The following DCC variants were observed in gnomAD, a reference collection of about 807,000 sequenced individuals.
The protein encoded by DCC is DCC netrin 1 receptor, also known as netrin receptor DCC.
A neutral mutation model predicts 172.5 loss-of-function variants in DCC; 58 were observed. The observed-to-expected ratio is 0.34, with a 90% CI of 0.27 to 0.42. DCC has a LOEUF of 0.42. DCC is among the 10% of genes least tolerant of loss of function. DCC has a pLI of 1.00. For missense variants in DCC, 1,740 were observed against 1,791.0 expected, an observed-to-expected ratio of 0.97 and a Z score of 0.51; for synonymous variants, 709 against 644.5, an observed-to-expected ratio of 1.10 and a Z score of -1.52.
chr18:52,929,515 G>T (rs532975518), intron 5 of DCC, among the ~76,000 whole-genome samples: 1 of 152,226 alleles, frequency 6.6e-6, no homozygotes, highest in South Asian at 2.1e-4. Context: ...TGACAGGGGA[G>T]CAGGGAAGAA....
intron 5 of DCC, among the ~76,000 whole-genome samples, chr18:53,014,191 A>G (rs932254948): frequency 1.3e-5 from 2 of 152,224 alleles, no homozygotes; most frequent in African/African-American, 4.8e-5. Context: ...ATTGTAAGTA[A>G]TTAGATGAAT....
At position 53,365,325 on chromosome 18, in the gene DCC, G is replaced by A. The variant is rs554119155; in HGVS notation, c.2360-20718G>A. On this transcript the variant is annotated intron_variant, in intron 15 of 28. Coordinates refer to ENST00000442544, the MANE Select transcript of DCC (RefSeq NM_005215.4). The stretch of plus-strand genomic sequence containing the variant: ...CATTTTCTTAATCCAGTCTATCATT[G>A]TCGGACATTTGGGTTGGTTCCAAGT... Among the ~76,000 whole-genome samples the A allele has an allele frequency of 2.6e-3, 400 of 151,566 alleles. 1 individual carries two copies. Among genetic ancestry groups the A allele is most frequent in the African/African-American group, 9.1e-3 (375 of 41,280 alleles).
At chr18:52,635,553 A>C (rs779034492) in intron 1 of DCC, among the ~76,000 whole-genome samples, 1 of 152,196 alleles carries the variant, frequency 6.6e-6, no homozygotes, top group Non-Finnish European at 1.5e-5. Context: ...GCAGAGACTT[A>C]ATACATTTAT....
chr18:53,200,438 G>A (rs764930122), intron 9 of DCC, among the ~76,000 whole-genome samples: 27 of 152,132 alleles, frequency 1.8e-4, no homozygotes, highest in Non-Finnish European at 3.7e-4. Context: ...TCACTCATTT[G>A]GCTGACATTT....
In DCC at chr18:52,432,598, TTATC is replaced by T. The variant is rs199863049; in HGVS notation, c.91+91722_91+91725del. 5.5e-3 allele frequency among the ~76,000 whole-genome samples: 836 copies of T among 152,278 alleles called. 7 individuals carry two copies. The highest frequency in any genetic ancestry group is 0.019 in the African/African-American group (785 of 41,546). On this transcript the variant is annotated intron_variant, in intron 1 of 28. Transcript: ENST00000442544. ...CATTTATGAGGTCTTAGGCAGCTCT[TTATC>T]TCTCTCCTTTGCTTCATGTTGCATT...
intron 8 of DCC, among the ~76,000 whole-genome samples, chr18:53,166,317 G>C (rs1301792679): frequency 6.6e-6 from 1 of 152,004 alleles, no homozygotes; most frequent in Non-Finnish European, 1.5e-5. Context: ...ATACCTTTAC[G>C]ACCTTCAAAT....
At chr18:52,809,040 C>A (rs1454285600) in intron 2 of DCC, among the ~76,000 whole-genome samples, 1 of 152,098 alleles carries the variant, frequency 6.6e-6, no homozygotes, top group Non-Finnish European at 1.5e-5. Context: ...ATGCCATATG[C>A]CAAACAGTCA....
intron 5 of DCC, among the ~76,000 whole-genome samples, chr18:53,012,011 CAG>C (rs2041737650): frequency 6.6e-6 from 1 of 151,730 alleles, no homozygotes; most frequent in African/African-American, 2.4e-5. Context: ...AGGCACCCAC[CAG>C]ATTATTTAAA....
chr18:53,528,897 G>A (rs958367964), intron 28 of DCC, among the ~76,000 whole-genome samples: 12 of 152,002 alleles, frequency 7.9e-5, no homozygotes, highest in Non-Finnish European at 1.6e-4. Flanking sequence ...CATGTGGCTA[G>A]TGGTTGCCGT....
intron 3 of DCC, among the ~76,000 whole-genome samples, chr18:52,907,413 A>G (rs2039904434): frequency 6.7e-6 from 1 of 148,258 alleles, no homozygotes; most frequent in Non-Finnish European, 1.5e-5. Flanking sequence ...ACATCATATC[A>G]TTCATATATA....
chr18:52,705,176 C>T lies in DCC; in HGVS notation c.92-46878C>T, dbSNP rs149353130. Among the ~76,000 whole-genome samples, 6 of 152,270 alleles carry T rather than the reference C, an allele frequency of 3.9e-5. No individual in the cohort carries two copies. In the East Asian group the frequency reaches 1.2e-3, roughly 29 times the overall value. On this transcript the variant is annotated intron_variant, in intron 1 of 28. Coordinates refer to ENST00000442544, the MANE Select transcript of DCC (RefSeq NM_005215.4). ...GTTTTCTAAGCACATTTTATATATG[C>T]CTTTCTATTAGGGATAGTGGCGAAC... is the stretch of plus-strand genomic sequence containing the variant.
intron 7 of DCC, among the ~76,000 whole-genome samples, chr18:53,079,259 C>G (rs976842965): frequency 6.6e-6 from 1 of 151,950 alleles, no homozygotes; most frequent in Middle Eastern, 3.4e-3. Context: ...ATTCCATGTC[C>G]AATTTTTGAC....
chr18:52,938,145 T>A (rs2040407648), intron 5 of DCC, among the ~76,000 whole-genome samples: 1 of 152,186 alleles, frequency 6.6e-6, no homozygotes, highest in African/African-American at 2.4e-5. Flanking sequence ...GTCATAAGTT[T>A]GATGCTTGGC....
chr18:52,856,636 A>AAAAAAG (rs1356088181), intron 2 of DCC, among the ~76,000 whole-genome samples: 2 of 150,008 alleles, frequency 1.3e-5, no homozygotes, highest in Admixed American at 6.6e-5. Flanking sequence ...AAAAAAAAAA[A>AAAAAAG]AAAAAAAGAA....
chr18:52,418,701 A>G (rs1305314811), intron 1 of DCC, among the ~76,000 whole-genome samples: 1 of 152,122 alleles, frequency 6.6e-6, no homozygotes, highest in African/African-American at 2.4e-5. Flanking sequence ...CCCTGAGTTC[A>G]GAGATACCCA....
intron 24 of DCC, among the ~76,000 whole-genome samples, chr18:53,467,549 G>A (rs2045636873): frequency 1.3e-5 from 2 of 152,092 alleles, no homozygotes; most frequent in Admixed American, 6.5e-5. Context: ...AACAGAGAAA[G>A]ATTTTTGTGT....
chr18:53,276,813 C>T (rs2056811483), intron 12 of DCC, among the ~76,000 whole-genome samples: 1 of 152,014 alleles, frequency 6.6e-6, no homozygotes, highest in Admixed American at 6.6e-5. Context: ...AGTAAAGAAA[C>T]ATTGAATTTA....
At chr18:52,721,309 G>C (rs1214595558) in intron 1 of DCC, among the ~76,000 whole-genome samples, 1 of 152,194 alleles carries the variant, frequency 6.6e-6, no homozygotes, top group African/African-American at 2.4e-5. Context: ...ATTCAAGTGA[G>C]TAATTTAATG....
chr18:53,043,863 C>A (rs59110446), intron 5 of DCC, among the ~76,000 whole-genome samples: 5,957 of 151,926 alleles, frequency 0.039, 369 homozygotes, highest in African/African-American at 0.13. Flanking sequence ...TCCTCACACA[C>A]CACACTCACT....
Sources: allele counts gnomAD v4.1 joint callset (sites outside exome capture counted in the v4.1 genomes callset), GRCh38; gene constraint gnomAD v4.1.1; transcripts MANE v1.5; gene names NCBI Gene and HGNC (gene_info 2026-07-23, HGNC 2026-07-21).